Variants in PRKCA observed in about 807,000 individuals in gnomAD.
The protein encoded by PRKCA is protein kinase C alpha, also known as protein kinase C alpha type.
Under a neutral mutation model 87.0 loss-of-function variants are expected in PRKCA, and 27 were observed. The observed-to-expected ratio is 0.31, with a 90% confidence interval of 0.23 to 0.43. The LOEUF (loss-of-function observed/expected upper bound fraction) is 0.43. Among genes scored for constraint, PRKCA ranks in the 20% least tolerant of loss-of-function variants. The pLI is 1.00. For synonymous variants in PRKCA, 329 were observed against 311.1 expected, an observed-to-expected ratio of 1.06 and a Z score of -0.61; for missense variants, 518 against 852.3, an observed-to-expected ratio of 0.61 and a Z score of 4.88.
chr17:66,696,702 C>T (rs1211444842), intron 8 of PRKCA, among the ~76,000 whole-genome samples: 1 of 152,210 alleles, frequency 6.6e-6, no homozygotes, highest in African/African-American at 2.4e-5. Context: ...TTTCTGAGAA[C>T]AGACCAGTGG....
chr17:66,328,626 T>C (rs534530555), intron 2 of PRKCA, among the ~76,000 whole-genome samples: 70 of 151,954 alleles, frequency 4.6e-4, no homozygotes, highest in Non-Finnish European at 8.7e-4. Flanking sequence ...GGGGAAACCC[T>C]GTCTCTACTA....
intron 3 of PRKCA, among the ~76,000 whole-genome samples, chr17:66,584,508 G>A (rs994270627): frequency 2.0e-5 from 3 of 152,204 alleles, no homozygotes; most frequent in Admixed American, 2.0e-4. Context: ...TTACAGGCAT[G>A]AGCCACCGTG....
rs532189642 is a variant in PRKCA at position 66,554,221 on chromosome 17, G to A, written c.288+57938G>A. On this transcript the variant is annotated intron_variant, in intron 3 of 16. Coordinates refer to ENST00000413366, the MANE Select transcript of PRKCA (RefSeq NM_002737.3). ...GCTCTAGACCAGCTTGGGCAACATC[G>A]TGTGACCCCGTCTCTATGAAAAAAA... 7.4e-5 allele frequency among the ~76,000 whole-genome samples: 11 copies of A among 148,788 alleles called. 1 individual carries two copies. In the East Asian group the frequency reaches 1.8e-3, roughly 24 times the overall value.
At position 66,302,697 on chromosome 17, in the gene PRKCA, C is replaced by T. The variant is rs968957784; in HGVS notation, c.-155C>T. 10 of 299,122 alleles carry T rather than the reference C, an allele frequency of 3.3e-5. No individual in the cohort carries two copies. Among genetic ancestry groups the T allele is most frequent in the East Asian group, 1.7e-4 (1 of 5,816 alleles). The allele number at this position is 299,122 out of a possible 1,614,324, so 18.5% of individuals were successfully genotyped here. A position where few individuals can be genotyped will look rare whatever the true frequency, so the allele number is the denominator to read the frequency against. ...GCAGCACCAGCCCGACTCTCCCCGG[C>T]CCCCGCCGCGCCCCCTCGCCGCGAC... On this transcript the variant is annotated 5_prime_UTR_variant, in exon 1 of 17. Transcript: ENST00000413366.
intron 8 of PRKCA, among the ~76,000 whole-genome samples, chr17:66,704,209 T>G (rs1973137685): frequency 1.3e-5 from 2 of 151,650 alleles, no homozygotes; most frequent in African/African-American, 4.8e-5. Flanking sequence ...TGGGCTTGAA[T>G]TTAAAATCCC....
At chr17:66,431,192 T>G (rs140220809) in intron 2 of PRKCA, among the ~76,000 whole-genome samples, 1 of 152,240 alleles carries the variant, frequency 6.6e-6, no homozygotes, top group African/African-American at 2.4e-5. Flanking sequence ...AACAATGTAT[T>G]TGAAGTTCCT....
intron 3 of PRKCA, among the ~76,000 whole-genome samples, chr17:66,571,628 TCCTC>T (rs748480294): frequency 1.3e-5 from 2 of 151,980 alleles, no homozygotes; most frequent in Non-Finnish European, 2.9e-5. Flanking sequence ...TGAACAACCT[TCCTC>T]AATCAATGTT....
At chr17:66,682,032 C>T (rs1053720155) in intron 5 of PRKCA, among the ~76,000 whole-genome samples, 2 of 152,228 alleles carry the variant, frequency 1.3e-5, no homozygotes, top group Admixed American at 6.5e-5. Context: ...ATTCTCCAAT[C>T]CGGCTAGGGC....
At chr17:66,384,064 T>C (rs1683357725) in intron 2 of PRKCA, among the ~76,000 whole-genome samples, 1 of 152,210 alleles carries the variant, frequency 6.6e-6, no homozygotes, top group Non-Finnish European at 1.5e-5. Context: ...GTGTATTTAA[T>C]GGGGCACCTA....
At chr17:66,710,565 C>G (rs1340131045) in intron 8 of PRKCA, among the ~76,000 whole-genome samples, 2 of 152,186 alleles carry the variant, frequency 1.3e-5, no homozygotes, top group East Asian at 3.9e-4. Context: ...GCCATGCTCT[C>G]CACCCTTAAG....
intron 2 of PRKCA, among the ~76,000 whole-genome samples, chr17:66,390,787 A>G (rs1027772027): frequency 5.9e-5 from 9 of 152,284 alleles, no homozygotes; most frequent in African/African-American, 2.2e-4. Flanking sequence ...AGAATTCCCT[A>G]TGGGGTGAGC....
At chr17:66,428,540 G>A (rs998808860) in intron 2 of PRKCA, among the ~76,000 whole-genome samples, 4 of 147,178 alleles carry the variant, frequency 2.7e-5, no homozygotes, top group African/African-American at 1.0e-4. Flanking sequence ...ATCTCGCTCT[G>A]TCACCCAGGC....
intron 8 of PRKCA, chr17:66,703,286 T>A (rs1046282844): frequency 1.3e-5 from 2 of 152,072 alleles, no homozygotes; most frequent in South Asian, 2.1e-4. Flanking sequence ...AAATTTAAAA[T>A]TTTTTTTCTG....
At chr17:66,423,637 A>G (rs1912617206) in intron 2 of PRKCA, among the ~76,000 whole-genome samples, 1 of 152,220 alleles carries the variant, frequency 6.6e-6, no homozygotes, top group Non-Finnish European at 1.5e-5. Context: ...CCTTTAATGC[A>G]TACTGTTTTT....
intron 3 of PRKCA, among the ~76,000 whole-genome samples, chr17:66,555,353 A>T (rs1968463072): frequency 6.6e-6 from 1 of 152,120 alleles, no homozygotes; most frequent in African/African-American, 2.4e-5. Flanking sequence ...GGCTTCTTTT[A>T]TGGAAGTTGC....
At chr17:66,582,741 C>G (rs1162490724) in intron 3 of PRKCA, among the ~76,000 whole-genome samples, 2 of 152,134 alleles carry the variant, frequency 1.3e-5, no homozygotes, top group African/African-American at 4.8e-5. Context: ...TAGTGGCCAC[C>G]AGGATGTGAG....
At chr17:66,577,590 G>C (rs1054468112) in intron 3 of PRKCA, among the ~76,000 whole-genome samples, 2 of 152,192 alleles carry the variant, frequency 1.3e-5, no homozygotes, top group Admixed American at 1.3e-4. Context: ...AGCTCAGCCA[G>C]CCTGCACTTC....
rs574223669 is a variant in PRKCA, at chr17:66,373,934, C to T, written c.205+67807C>T. 3.9e-5 allele frequency among the ~76,000 whole-genome samples: 6 copies of T among 152,286 alleles called. No individual in the cohort carries two copies. The South Asian group carries it at 1.0e-3, about 26-fold the overall frequency. Reference sequence around the variant, plus strand: ...CTTAGAGTTAATAAGGAGCCCAGTGCACCGGTGATCAGCTACTTTATTTCC... The same window carrying T: ...CTTAGAGTTAATAAGGAGCCCAGTGTACCGGTGATCAGCTACTTTATTTCC... On this transcript the variant is annotated intron_variant, in intron 2 of 16. Coordinates refer to ENST00000413366, the MANE Select transcript of PRKCA (RefSeq NM_002737.3).
intron 2 of PRKCA, among the ~76,000 whole-genome samples, chr17:66,318,377 A>T (rs774138049): frequency 2.4e-4 from 36 of 152,060 alleles, no homozygotes; most frequent in Non-Finnish European, 1.0e-4. Flanking sequence ...AAGTTTAGGG[A>T]TAATGGCTGA....
Sources: gnomAD v4.1 joint callset for allele counts (sites outside exome capture counted in the v4.1 genomes callset) on GRCh38, gnomAD v4.1.1 for gene constraint, MANE v1.5 for transcripts, NCBI Gene and HGNC (gene_info 2026-07-23, HGNC 2026-07-21) for gene names.